The following SIK3 variants were observed in gnomAD, a reference collection of about 807,000 sequenced individuals.
The protein encoded by SIK3 is serine/threonine-protein kinase SIK3.
In SIK3, 28 loss-of-function variants were observed where a neutral mutation model predicts 144.2. That is an observed-to-expected ratio of 0.19 (90% CI 0.14 to 0.27). The LOEUF is 0.27. Among genes scored for constraint, SIK3 ranks in the 10% least tolerant of loss-of-function variants. The pLI is 1.00. For synonymous variants in SIK3, 686 were observed against 676.3 expected (o/e 1.01, Z -0.22); for missense variants, 1,319 against 1,776.0 (o/e 0.74, Z 4.62).
chr11:116,887,433 A>G (rs1038904143), intron 6 of SIK3, among the ~76,000 whole-genome samples: 9 of 152,032 alleles, frequency 5.9e-5, no homozygotes, highest in South Asian at 2.1e-4. Context: ...CCTGGCCAAC[A>G]TGACGAGACC....
intron 6 of SIK3, among the ~76,000 whole-genome samples, chr11:116,886,669 T>C (rs775346651): frequency 1.3e-5 from 2 of 152,204 alleles, no homozygotes; most frequent in Admixed American, 6.5e-5. Flanking sequence ...TAATTTTCCT[T>C]CAGTTAAATA....
At chr11:117,010,995 C>T (rs991922789) in intron 1 of SIK3, among the ~76,000 whole-genome samples, 1 of 152,130 alleles carries the variant, frequency 6.6e-6, no homozygotes, top group Non-Finnish European at 1.5e-5. Flanking sequence ...TGGCGCATGC[C>T]TGTAGTCCCA....
chr11:116,935,651 G>T (rs74557653), intron 3 of SIK3, among the ~76,000 whole-genome samples: 11,179 of 152,148 alleles, frequency 0.073, 739 homozygotes, highest in African/African-American at 0.18. Flanking sequence ...CTACACCAAG[G>T]TATTAGCAAT....
At chr11:117,089,235 G>T (rs940891379) in intron 1 of SIK3, among the ~76,000 whole-genome samples, 1 of 151,786 alleles carries the variant, frequency 6.6e-6, no homozygotes, top group Non-Finnish European at 1.5e-5. Context: ...GTGAAACGCC[G>T]TCTCTACTAA....
chr11:116,936,943 G>T (rs1380838021), intron 3 of SIK3, among the ~76,000 whole-genome samples: 14 of 152,152 alleles, frequency 9.2e-5, no homozygotes, highest in Non-Finnish European at 2.1e-4. Flanking sequence ...TGGAATTCAA[G>T]GTTATCCTTT....
intron 3 of SIK3, among the ~76,000 whole-genome samples, chr11:116,944,304 CAG>C (rs1269408206): frequency 6.6e-6 from 1 of 152,066 alleles, no homozygotes; most frequent in Non-Finnish European, 1.5e-5. Context: ...TGGGTCATGC[CAG>C]AGAGTCTAAT....
At chr11:117,071,657 CT>C (rs1954285322) in intron 1 of SIK3, among the ~76,000 whole-genome samples, 1 of 152,088 alleles carries the variant, frequency 6.6e-6, no homozygotes. Context: ...TCGCTCTGTC[CT>C]CCAGGCTGGA....
chr11:116,982,341 T>G (rs1324151027), intron 1 of SIK3, among the ~76,000 whole-genome samples: 1 of 150,214 alleles, frequency 6.7e-6, no homozygotes, highest in Non-Finnish European at 1.5e-5. Context: ...CGGGCTGGAG[T>G]GCAGTGGGGC....
intron 1 of SIK3, among the ~76,000 whole-genome samples, chr11:116,969,163 G>A (rs181963260): frequency 2.5e-4 from 38 of 151,764 alleles, no homozygotes; most frequent in African/African-American, 7.2e-4. Flanking sequence ...AGTGGCAGGC[G>A]CCTGTAGTCC....
intron 1 of SIK3, among the ~76,000 whole-genome samples, chr11:117,047,351 TAGAA>T (rs970743808): frequency 3.0e-4 from 46 of 152,280 alleles, no homozygotes; most frequent in African/African-American, 1.1e-3. Context: ...TTATACCTCA[TAGAA>T]AGGTACAATG....
At chr11:117,059,158 C>T (rs1036843507) in intron 1 of SIK3, among the ~76,000 whole-genome samples, 1 of 152,090 alleles carries the variant, frequency 6.6e-6, no homozygotes, top group Non-Finnish European at 1.5e-5. Flanking sequence ...CGTTTGGCCA[C>T]AGAAATAAAT....
intron 1 of SIK3, among the ~76,000 whole-genome samples, chr11:116,970,517 T>G (rs1192179442): frequency 1.3e-5 from 2 of 152,166 alleles, no homozygotes; most frequent in Non-Finnish European, 2.9e-5. Flanking sequence ...TATCTGTTTA[T>G]TATTTACTTA....
chr11:117,048,972 A>G (rs1953099070), intron 1 of SIK3, among the ~76,000 whole-genome samples: 1 of 152,168 alleles, frequency 6.6e-6, no homozygotes, highest in East Asian at 1.9e-4. Flanking sequence ...GTGGTGGCGC[A>G]CGCTTGTAAT....
intron 19 of SIK3, 76 bp downstream of exon 19, chr11:116,861,198 G>A: frequency 8.8e-7 from 1 of 1,135,156 alleles, no homozygotes; most frequent in Non-Finnish European, 1.3e-6. Flanking sequence ...AATGGTTTAT[G>A]GTGCTCAAAA....
intron 3 of SIK3, among the ~76,000 whole-genome samples, chr11:116,945,046 G>A (rs7941912): frequency 0.032 from 4,884 of 151,444 alleles, 106 homozygotes; most frequent in Non-Finnish European, 0.036. Flanking sequence ...TGCAAGCTCC[G>A]CCTCCCGGGT....
At chr11:116,975,102 T>C (rs1001907080) in intron 1 of SIK3, among the ~76,000 whole-genome samples, 4 of 152,098 alleles carry the variant, frequency 2.6e-5, no homozygotes, top group African/African-American at 9.7e-5. Flanking sequence ...AACGAGGACA[T>C]GAAATTCATT....
At chr11:116,912,525 T>C (rs1019451301) in intron 4 of SIK3, among the ~76,000 whole-genome samples, 17 of 152,206 alleles carry the variant, frequency 1.1e-4, no homozygotes, top group Admixed American at 7.2e-4. Context: ...CAGCCAGTAC[T>C]AGTGTTCTCA....
intron 1 of SIK3, among the ~76,000 whole-genome samples, chr11:117,085,672 C>T (rs1337929193): frequency 9.9e-5 from 15 of 152,092 alleles, no homozygotes; most frequent in Admixed American, 9.8e-4. Flanking sequence ...AAATTTTCCA[C>T]AATACATACT....
intron 1 of SIK3, among the ~76,000 whole-genome samples, chr11:116,961,809 T>C (rs551322943): frequency 2.0e-5 from 3 of 152,290 alleles, no homozygotes; most frequent in African/African-American, 7.2e-5. Context: ...AGATAACAGA[T>C]TGTGAGAGTC....
Sources: gnomAD v4.1 joint callset for allele counts (sites outside exome capture counted in the v4.1 genomes callset) on GRCh38, gnomAD v4.1.1 for gene constraint, MANE v1.5 for transcripts, NCBI Gene and HGNC (gene_info 2026-07-23, HGNC 2026-07-21) for gene names.